ANKRD45: variants seen among roughly 807,000 people sequenced by gnomAD.
The protein encoded by ANKRD45 is ankyrin repeat domain 45.
Under a neutral mutation model 28.1 loss-of-function variants are expected in ANKRD45, and 21 were observed. The observed-to-expected ratio is 0.75, with a 90% confidence interval of 0.53 to 1.08. The LOEUF (loss-of-function observed/expected upper bound fraction) is 1.08. ANKRD45 is among the 50% of genes least tolerant of loss of function. The pLI is 0.00. For missense variants in ANKRD45, 261 were observed against 308.7 expected, an observed-to-expected ratio of 0.85 and a Z score of 1.16; for synonymous variants, 86 against 103.9, an observed-to-expected ratio of 0.83 and a Z score of 1.05.
intron 5 of ANKRD45, among the ~76,000 whole-genome samples, chr1:173,619,158 A>G (rs1571690673): frequency 6.6e-6 from 1 of 152,220 alleles, no homozygotes; most frequent in South Asian, 2.1e-4. Flanking sequence ...GGGAAGGAAA[A>G]CCCATTACCA....
intron 3 of ANKRD45, among the ~76,000 whole-genome samples, chr1:173,641,038 T>C (rs181577242): frequency 6.6e-6 from 1 of 152,158 alleles, no homozygotes; most frequent in Non-Finnish European, 1.5e-5. Context: ...TTTTGAGATA[T>C]GCATTATTCC....
chr1:173,681,921 G>A, the ANKRD45 span, among the ~76,000 whole-genome samples: 45 of 151,844 alleles, frequency 3.0e-4, no homozygotes, highest in South Asian at 6.7e-3. Context: ...ATGGTGGCAC[G>A]CACCTATAGT....
At chr1:173,688,355 T>TCTCTCTCTCTCTGCCTCTTC in the ANKRD45 span, among the ~76,000 whole-genome samples, 65 of 143,806 alleles carry the variant, frequency 4.5e-4, no homozygotes, top group Middle Eastern at 6.9e-3. Context: ...TCTGACTCCC[T>TCTCTCTCTCTCTGCCTCTTC]CTCTCTCTCT....
At chr1:173,714,178 T>C in the ANKRD45 span, among the ~76,000 whole-genome samples, 1 of 152,232 alleles carries the variant, frequency 6.6e-6, no homozygotes, top group Admixed American at 6.5e-5. Context: ...CTGATATTCC[T>C]GAAATTGTAA....
intron 3 of ANKRD45, among the ~76,000 whole-genome samples, chr1:173,633,324 G>A (rs968546707): frequency 9.9e-5 from 15 of 151,492 alleles, no homozygotes; most frequent in African/African-American, 3.6e-4. Context: ...AACTATAAAA[G>A]ACTGATGCAA....
chr1:173,620,964 A>G (rs766663272), intron 5 of ANKRD45, among the ~76,000 whole-genome samples: 1 of 152,184 alleles, frequency 6.6e-6, no homozygotes, highest in Non-Finnish European at 1.5e-5. Flanking sequence ...ACAATCAGAA[A>G]TGATAAAGTT....
the ANKRD45 span, among the ~76,000 whole-genome samples, chr1:173,706,470 C>A: frequency 2.0e-5 from 3 of 151,768 alleles, no homozygotes; most frequent in African/African-American, 7.3e-5. Context: ...TCCCAAGTAG[C>A]TGGGATTACA....
chr1:173,635,688 C>T (rs769916102), intron 3 of ANKRD45: 1 of 1,535,704 alleles, frequency 6.5e-7, no homozygotes, highest in South Asian at 1.2e-5. Context: ...CACTGCCTGC[C>T]TTATCTTCTG....
At chr1:173,619,600 G>T (rs930547461) in intron 5 of ANKRD45, among the ~76,000 whole-genome samples, 8 of 152,072 alleles carry the variant, frequency 5.3e-5, no homozygotes, top group African/African-American at 1.9e-4. Context: ...GGCCAACATG[G>T]GTGGATCACC....
the ANKRD45 span, among the ~76,000 whole-genome samples, chr1:173,677,056 A>ATTTATAAT: frequency 2.6e-5 from 4 of 152,010 alleles, no homozygotes; most frequent in South Asian, 2.1e-4. Context: ...AAAAGACATA[A>ATTTATAAT]TTTATAATTT....
At chr1:173,626,307 T>A (rs2102327063) in intron 4 of ANKRD45, among the ~76,000 whole-genome samples, 1 of 152,340 alleles carries the variant, frequency 6.6e-6, no homozygotes, top group South Asian at 2.1e-4. Flanking sequence ...GTATATTTTT[T>A]AAATGTACAT....
At position 173,613,570 on chromosome 1, in the gene ANKRD45, C is replaced by CGGCCAGCCGCCCCGT. The variant is rs1475411199; in HGVS notation, c.731-3356_731-3355insACGGGGCGGCTGGCC. On this transcript the variant is annotated intron_variant, in intron 5 of 5. Coordinates refer to ENST00000333279, the MANE Select transcript of ANKRD45 (RefSeq NM_198493.3). ...AGGGAGGTGGGGGGTCAGCCCCCCCCCCGGCCAGCCGCCCCGTCCGGGAGG... is the reference window on the plus strand; with the variant it reads ...AGGGAGGTGGGGGGTCAGCCCCCCCCGGCCAGCCGCCCCGTCCGGCCAGCCGCCCCGTCCGGGAGG... 1.8e-4 allele frequency among the ~76,000 whole-genome samples: 27 copies of CGGCCAGCCGCCCCGT among 148,888 alleles called. 2 individuals carry two copies. Among genetic ancestry groups the CGGCCAGCCGCCCCGT allele is most frequent in the African/African-American group, 6.7e-4 (27 of 40,018 alleles).
chr1:173,611,614 CACACACAA>C (rs200777318), intron 5 of ANKRD45, among the ~76,000 whole-genome samples: 1,812 of 91,568 alleles, frequency 0.02, 20 homozygotes, highest in East Asian at 0.11. Context: ...CACACACACA[CACACACAA>C]TAAAAATATA....
intron 5 of ANKRD45, chr1:173,612,478 A>G (rs1368484763): frequency 1.3e-5 from 2 of 152,266 alleles, no homozygotes; most frequent in African/African-American, 4.8e-5. Flanking sequence ...AAAGATGCTC[A>G]GAATTGTTCG....
the ANKRD45 span, among the ~76,000 whole-genome samples, chr1:173,677,060 A>G: frequency 7.9e-5 from 12 of 152,042 alleles, no homozygotes; most frequent in African/African-American, 2.7e-4. Flanking sequence ...GACATAATTT[A>G]TAATTTGATT....
intron 4 of ANKRD45, 82 bp downstream of exon 4, chr1:173,626,982 CT>C: frequency 1.1e-6 from 1 of 938,872 alleles, no homozygotes. Flanking sequence ...CACTACCTGC[CT>C]TTAGAACATC....
chr1:173,610,093 G>C lies in ANKRD45; in HGVS notation c.*52C>G. The stretch of plus-strand genomic sequence containing the variant: ...TTCTCGATTTCAAATGGCATGAATA[G>C]GTTTGCCTTTCAGATACTAAAAGAA... On this transcript the variant is annotated 3_prime_UTR_variant, in exon 6 of 6. Coordinates refer to ENST00000333279, the MANE Select transcript of ANKRD45 (RefSeq NM_198493.3). 1 of 1,531,090 alleles carries C rather than the reference G, an allele frequency of 6.5e-7. No individual in the cohort carries two copies. The highest frequency in any genetic ancestry group is 9.0e-7 in the Non-Finnish European group (1 of 1,108,906). The allele number at this position is 1,531,090 out of a possible 1,614,324, so 94.8% of individuals were successfully genotyped here. A position where few individuals can be genotyped will look rare whatever the true frequency, so the allele number is the denominator to read the frequency against.
chr1:173,640,681 C>T (rs1318408523), intron 3 of ANKRD45, among the ~76,000 whole-genome samples: 2 of 152,160 alleles, frequency 1.3e-5, no homozygotes, highest in African/African-American at 4.8e-5. Flanking sequence ...TCAATGACAG[C>T]TAGCCTTTTC....
At chr1:173,637,617 A>G (rs889781097) in intron 3 of ANKRD45, among the ~76,000 whole-genome samples, 3 of 152,194 alleles carry the variant, frequency 2.0e-5, no homozygotes, top group African/African-American at 7.2e-5. Flanking sequence ...CAGGTTGAGT[A>G]CAGAATGTGA....
Sources: allele counts gnomAD v4.1 joint callset (sites outside exome capture counted in the v4.1 genomes callset), GRCh38; gene constraint gnomAD v4.1.1; transcripts MANE v1.5; gene names NCBI Gene and HGNC (gene_info 2026-07-23, HGNC 2026-07-21).